Variants in ZC3H12B observed in about 807,000 individuals in gnomAD.
ZC3H12B encodes zinc finger CCCH-type containing 12B, also known as probable ribonuclease ZC3H12B.
ZC3H12B carries 7 observed loss-of-function variants against 43.9 expected under a neutral mutation model. The observed-to-expected ratio is 0.16, with a 90% CI of 0.09 to 0.30. ZC3H12B has a LOEUF of 0.30. ZC3H12B is among the 10% of genes least tolerant of loss of function. The pLI is 1.00. For synonymous variants in ZC3H12B, 222 were observed against 241.7 expected (o/e 0.92, Z 0.76); for missense variants, 475 against 670.2 (o/e 0.71, Z 3.22).
At chrX:65,231,729 A>T in the ZC3H12B span, among the ~76,000 whole-genome samples, 1 of 111,457 alleles carries the variant, frequency 9.0e-6, no homozygotes, top group African/African-American at 3.3e-5. Context: ...CCTTATGGTT[A>T]TCTTTCCTTG....
chrX:65,142,655 C>T, the ZC3H12B span, among the ~76,000 whole-genome samples: 1 of 112,470 alleles, frequency 8.9e-6, no homozygotes, highest in South Asian at 3.6e-4. Context: ...AGTCCTTAAT[C>T]CATCTTGAGT....
the ZC3H12B span, among the ~76,000 whole-genome samples, chrX:65,123,845 A>T: frequency 3.7e-5 from 4 of 108,043 alleles, no homozygotes; most frequent in African/African-American, 1.3e-4. Flanking sequence ...AATTTTTTAT[A>T]CTGAATCTTC....
At chrX:65,420,646 C>T (rs1039042767) in intron 3 of ZC3H12B, among the ~76,000 whole-genome samples, 2 of 111,650 alleles carry the variant, frequency 1.8e-5, no homozygotes, top group African/African-American at 6.5e-5. Flanking sequence ...GACTGCCTGT[C>T]AATTGAAGAA....
At chrX:65,379,527 G>A (rs1176073343) in intron 2 of ZC3H12B, among the ~76,000 whole-genome samples, 1 of 112,078 alleles carries the variant, frequency 8.9e-6, no homozygotes, top group Admixed American at 9.5e-5. Context: ...CAGAAAAACT[G>A]GAAACTCTAA....
In ZC3H12B at chrX:65,433,153, G is replaced by A. The variant is rs369564430; in HGVS notation, n.407+34449G>A. On this transcript the variant is annotated intron_variant and non_coding_transcript_variant, in intron 3 of 5. Transcript: ENST00000617377. ...TGCTGTAGCAATAAAACCACATCTG[G>A]TACAGCAGCTTGAATTTGAGTTACC... Among the ~76,000 whole-genome samples, 20 of 112,571 alleles carry A rather than the reference G, an allele frequency of 1.8e-4. No individual in the cohort carries two copies. The East Asian group carries it at 4.7e-3, about 27-fold the overall frequency.
chrX:65,323,251 C>G, the ZC3H12B span, among the ~76,000 whole-genome samples: 1 of 111,906 alleles, frequency 8.9e-6, no homozygotes, highest in Admixed American at 9.5e-5. Context: ...GTTTTAATTT[C>G]TCAACATTGA....
At chrX:65,121,591 C>T in the ZC3H12B span, among the ~76,000 whole-genome samples, 8 of 111,032 alleles carry the variant, frequency 7.2e-5, no homozygotes, top group African/African-American at 2.3e-4. Flanking sequence ...TTGATCTTTT[C>T]AAAAAACCAG....
the ZC3H12B span, among the ~76,000 whole-genome samples, chrX:65,224,362 T>A: frequency 2.7e-5 from 3 of 112,284 alleles, no homozygotes; most frequent in East Asian, 8.4e-4. Flanking sequence ...GGGTGATGGG[T>A]TCCCCAAAAT....
chrX:65,095,818 C>CA, the ZC3H12B span, among the ~76,000 whole-genome samples: 1 of 110,981 alleles, frequency 9.0e-6, no homozygotes, highest in East Asian at 2.9e-4. Context: ...AATTGTGCAG[C>CA]ATTTGCAAAG....
rs563060904 is a variant in ZC3H12B at position 65,401,220 on chromosome X, G to A, written n.407+2516G>A. The stretch of plus-strand genomic sequence containing the variant: ...CTGAATCTCAAATGCCACCCCTTCC[G>A]CACCCTTGGCAGCAGCAGTGTGGTA... On this transcript the variant is annotated intron_variant and non_coding_transcript_variant, in intron 3 of 5. Coordinates refer to the ZC3H12B transcript ENST00000617377. Among the ~76,000 whole-genome samples, 23 of 111,398 alleles carry A rather than the reference G, an allele frequency of 2.1e-4. 2 individuals carry two copies. The highest frequency in any genetic ancestry group is 3.6e-4 in the African/African-American group (11 of 30,695).
intron 2 of ZC3H12B, among the ~76,000 whole-genome samples, chrX:65,387,930 G>C (rs1367490828): frequency 8.9e-6 from 1 of 112,094 alleles, no homozygotes; most frequent in African/African-American, 3.2e-5. Flanking sequence ...GAAATTCTGG[G>C]TTGAAAATTC....
chrX:65,225,506 T>A, the ZC3H12B span, among the ~76,000 whole-genome samples: 1 of 112,245 alleles, frequency 8.9e-6, no homozygotes, highest in Non-Finnish European at 1.9e-5. Flanking sequence ...TCACCAGCAA[T>A]GGAGCAAAGC....
chrX:65,052,589 T>C, the ZC3H12B span, among the ~76,000 whole-genome samples: 1 of 111,514 alleles, frequency 9.0e-6, no homozygotes, highest in Admixed American at 9.6e-5. Context: ...GTTCCATCTA[T>C]GTCACTGCAG....
the ZC3H12B span, among the ~76,000 whole-genome samples, chrX:65,301,944 G>C: frequency 9.1e-6 from 1 of 110,479 alleles, no homozygotes; most frequent in East Asian, 2.8e-4. Flanking sequence ...AGCTTTAAAC[G>C]ATCCTTTCTC....
At chrX:65,231,320 G>T in the ZC3H12B span, among the ~76,000 whole-genome samples, 5 of 111,166 alleles carry the variant, frequency 4.5e-5, no homozygotes, top group Non-Finnish European at 9.4e-5. Flanking sequence ...TAGAATTACT[G>T]ATGAGGGTCC....
chrX:65,229,532 G>A, the ZC3H12B span, among the ~76,000 whole-genome samples: 4 of 111,115 alleles, frequency 3.6e-5, no homozygotes, highest in African/African-American at 9.8e-5. Flanking sequence ...AAATTGACAA[G>A]TGGGATCCAA....
chrX:65,164,105 G>A, the ZC3H12B span, among the ~76,000 whole-genome samples: 1 of 111,920 alleles, frequency 8.9e-6, no homozygotes, highest in Non-Finnish European at 1.9e-5. Context: ...TAATTGCAAG[G>A]TAGTGAAGTG....
At chrX:65,119,825 A>G in the ZC3H12B span, among the ~76,000 whole-genome samples, 156 of 111,938 alleles carry the variant, frequency 1.4e-3, 1 homozygote, top group African/African-American at 5.0e-3. Flanking sequence ...ATTTTTGTAT[A>G]AGGTGTAAGG....
At chrX:65,067,874 C>A in the ZC3H12B span, among the ~76,000 whole-genome samples, 1 of 110,986 alleles carries the variant, frequency 9.0e-6, no homozygotes, top group Non-Finnish European at 1.9e-5. Flanking sequence ...GGCATTGGAA[C>A]TATGAACTTC....
Sources: allele counts gnomAD v4.1 joint callset (sites outside exome capture counted in the v4.1 genomes callset), GRCh38; gene constraint gnomAD v4.1.1; transcripts MANE v1.5; gene names NCBI Gene and HGNC (gene_info 2026-07-23, HGNC 2026-07-21).